Variants in C2CD3 observed in about 807,000 individuals in gnomAD.
The protein encoded by C2CD3 is C2 domain-containing protein 3.
A neutral mutation model predicts 234.0 loss-of-function variants in C2CD3; 148 were observed. The ratio of observed to expected loss-of-function variants is 0.63; its 90% CI spans 0.55 to 0.72. The LOEUF is 0.72. Ranked by LOEUF, C2CD3 falls within the 30% of genes least tolerant of loss-of-function variation. The pLI, the probability that C2CD3 is intolerant of heterozygous loss-of-function variation, is 0.00. For missense variants in C2CD3, 2,577 were observed against 2,811.5 expected (o/e 0.92, Z 1.89); for synonymous variants, 1,000 against 1,035.4 (o/e 0.97, Z 0.66).
rs925480908 is a variant in C2CD3, at chr11:74,160,641, G to A, written c.483+758C>T. 3.3e-5 allele frequency among the ~76,000 whole-genome samples: 5 copies of A among 152,132 alleles called. No individual in the cohort carries two copies. The South Asian group carries it at 6.2e-4, about 19-fold the overall frequency. On this transcript the variant is annotated intron_variant, in intron 3 of 32. Coordinates refer to ENST00000334126, the MANE Select transcript of C2CD3 (RefSeq NM_001286577.2). ...GTTGGTCAATGGGTACTATCGTACC[G>A]TTAGGAGGAATAAATTCTGGTGTTC...
rs2135581709 is a variant in C2CD3 at position 74,170,740 on chromosome 11, C to CT, written c.52dup (p.Arg18LysfsTer5). ...CAATCTTTGATCGCTCAGGTTACCT[C>CT]TTTTTTTGCGCCCACGGCTGCCCCC... On this transcript the variant is annotated frameshift_variant, in exon 1 of 33. Coordinates refer to ENST00000334126, the MANE Select transcript of C2CD3 (RefSeq NM_001286577.2). LOFTEE classifies it high-confidence loss of function. The CT allele has an allele frequency of 6.2e-7, 1 of 1,614,160 alleles. No homozygotes were observed. The highest frequency in any genetic ancestry group is 8.5e-7 in the Non-Finnish European group (1 of 1,180,016).
rs778862828 is a variant in C2CD3 at position 74,100,652 on chromosome 11, T to G, written c.2605A>C (p.Lys869Gln). 1.2e-6 allele frequency: 2 copies of G among 1,613,580 alleles called. No homozygotes were observed. Among genetic ancestry groups the G allele is most frequent in the South Asian group, 2.2e-5 (2 of 90,932 alleles). Residue 869 changes from lysine to glutamine, a missense_variant, in exon 15 of 33, where the codon AAA becomes CAA. By Grantham distance (53) the Lys-to-Gln change is moderately conservative. Coordinates refer to ENST00000334126, the MANE Select transcript of C2CD3 (RefSeq NM_001286577.2). ...SQVIPVSLSS[K>Q]YLERLKNNVM... is the part of the protein sequence containing the mutation. Reference sequence around the variant, plus strand: ...TTGTTCTTAAGCCTTTCCAGGTATTTGGAAGACAGAGAGACAGGAATCACC... The same window carrying G: ...TTGTTCTTAAGCCTTTCCAGGTATTGGGAAGACAGAGAGACAGGAATCACC...
chr11:74,078,675 C>A lies in C2CD3; in HGVS notation c.4043G>T (p.Gly1348Val), dbSNP rs748143486. The change falls in exon 23 of 33, where the codon GGC (glycine) becomes GTC (valine). Residue 1348 changes from glycine (G) to valine (V), a missense_variant. Transcript: ENST00000334126. ...CATGAGCTCCAGGCCATGAGGTAGG[C>A]CCCCGTCTTCTGGTAAAATGATAGG... ...WYPIILPEDG[G>V]LPHGLELMQK... The A allele has an allele frequency of 1.2e-6, 2 of 1,611,938 alleles. No homozygotes were observed. The highest frequency in any genetic ancestry group is 1.1e-5 in the South Asian group (1 of 90,848).
chr11:74,076,679 G>C (rs562697928), intron 23 of C2CD3, among the ~76,000 whole-genome samples: 41 of 152,246 alleles, frequency 2.7e-4, no homozygotes, highest in Admixed American at 1.9e-3. Context: ...ACATGCAGCT[G>C]TCTGAAATTA....
At chr11:74,131,580 TTTTC>T (rs1476518012) in intron 7 of C2CD3, among the ~76,000 whole-genome samples, 2 of 147,204 alleles carry the variant, frequency 1.4e-5, no homozygotes, top group African/African-American at 2.5e-5. Flanking sequence ...GAGGTTTTGT[TTTTC>T]TTTCTTTTTT....
At chr11:74,151,308 T>TATTTATTTATTC (rs1330277708) in intron 3 of C2CD3, among the ~76,000 whole-genome samples, 13 of 144,476 alleles carry the variant, frequency 9.0e-5, no homozygotes, top group Admixed American at 4.1e-4. Context: ...CAACACTCTT[T>TATTTATTTATTC]ATTTATTTAT....
At chr11:74,107,776 CAG>C (rs1406758591) in intron 12 of C2CD3, 1 of 151,930 alleles carries the variant, frequency 6.6e-6, no homozygotes, top group Non-Finnish European at 1.5e-5. Context: ...TTCTTGGTGA[CAG>C]AATTACAGGC....
chr11:74,021,286 C>G (rs936313643), intron 32 of C2CD3, among the ~76,000 whole-genome samples: 7 of 152,150 alleles, frequency 4.6e-5, no homozygotes, highest in African/African-American at 1.4e-4. Context: ...ACACCACCCC[C>G]CTCCAGAGTT....
chr11:74,028,230 C>T, intron 32 of C2CD3, 57 bp downstream of exon 32: 1 of 1,273,882 alleles, frequency 7.9e-7, no homozygotes, highest in Non-Finnish European at 1.1e-6. Context: ...TCTGTGCACA[C>T]TTCTGTGGAA....
At position 74,133,437 on chromosome 11, in the gene C2CD3, C is replaced by T. The variant is rs1590901745; in HGVS notation, c.1076G>A (p.Arg359Lys). The T allele has an allele frequency of 2.5e-6, 4 of 1,613,524 alleles. No individual in the cohort carries two copies. The highest frequency in any genetic ancestry group is 2.7e-5 in the African/African-American group (2 of 74,908). Residue 359 changes from arginine to lysine, a missense_variant, in exon 6 of 33, where the codon AGA becomes AAA. Transcript: ENST00000334126. Reference protein sequence around the residue: ...VHPPINEDSLRASTQIRAFSR... With the variant: ...VHPPINEDSLKASTQIRAFSR... ...TCCTGTAACTTACTGTGTTGATGCT[C>T]TAAGAGAATCTTCATTAATAGGAGG...
chr11:74,116,189 C>A (rs1364733432), intron 9 of C2CD3, among the ~76,000 whole-genome samples: 1 of 152,096 alleles, frequency 6.6e-6, no homozygotes, highest in Non-Finnish European at 1.5e-5. Flanking sequence ...AAACAGACAA[C>A]CCACAGAATG....
At chr11:74,106,251 CAAGAGATGCTACACAA>C in intron 13 of C2CD3, 104 bp downstream of exon 13, 1 of 920,398 alleles carries the variant, frequency 1.1e-6, no homozygotes. Flanking sequence ...TGCTCTATTT[CAAGAGATGCTACACAA>C]GATCAAAGAC....
chr11:74,139,230 A>T (rs777213672), intron 4 of C2CD3, among the ~76,000 whole-genome samples: 1 of 152,242 alleles, frequency 6.6e-6, no homozygotes, highest in Non-Finnish European at 1.5e-5. Flanking sequence ...ACACAAAGCA[A>T]ATGCTTCATA....
chr11:74,104,960 G>C (rs1244978711), intron 13 of C2CD3, among the ~76,000 whole-genome samples: 1 of 152,190 alleles, frequency 6.6e-6, no homozygotes, highest in Non-Finnish European at 1.5e-5. Context: ...AACTTGGATA[G>C]CAAGAGTAGG....
At chr11:74,117,044 G>T (rs1478294389) in intron 9 of C2CD3, among the ~76,000 whole-genome samples, 1 of 48,874 alleles carries the variant, frequency 2.0e-5, no homozygotes, top group Non-Finnish European at 4.9e-5. Flanking sequence ...ATATACGTGT[G>T]TGTGTATATA....
intron 28 of C2CD3, among the ~76,000 whole-genome samples, chr11:74,043,938 C>T (rs999391940): frequency 6.6e-6 from 1 of 152,088 alleles, no homozygotes; most frequent in Non-Finnish European, 1.5e-5. Flanking sequence ...ATCTTCCCAC[C>T]TCAGCCTCCT....
chr11:74,033,740 G>A lies in C2CD3; in HGVS notation c.6420C>T (p.His2140=), dbSNP rs975978812. Residue 2140 remains histidine, a synonymous_variant, in exon 31 of 33, where the codon CAC becomes CAT. Transcript: ENST00000334126. ...LSSPERAVNP[H]LPRQGSPSQS... ...GGCTAGGAGAACCCTGCCTAGGCAG[G>A]TGGGGGTTGACAGCCCTTTCTGGGC... is the stretch of plus-strand genomic sequence containing the variant. The A allele has an allele frequency of 1.2e-5, 19 of 1,536,330 alleles. No homozygotes were observed. Among genetic ancestry groups the A allele is most frequent in the East Asian group, 4.9e-5 (2 of 40,930 alleles).
chr11:74,118,560 T>C (rs1244193580), intron 8 of C2CD3, among the ~76,000 whole-genome samples, 178 bp from the exon 9 acceptor site: 1 of 152,152 alleles, frequency 6.6e-6, no homozygotes, highest in Non-Finnish European at 1.5e-5. Context: ...TAATCTGAAG[T>C]TCACAAAAAT....
intron 22 of C2CD3, among the ~76,000 whole-genome samples, chr11:74,080,263 G>T (rs1955284279): frequency 6.6e-6 from 1 of 152,196 alleles, no homozygotes; most frequent in African/African-American, 2.4e-5. Flanking sequence ...AAGGTTTTAT[G>T]ACTTTTGGAC....
Sources: allele counts gnomAD v4.1 joint callset (sites outside exome capture counted in the v4.1 genomes callset), GRCh38; gene constraint gnomAD v4.1.1; transcripts MANE v1.5; gene names NCBI Gene and HGNC (gene_info 2026-07-23, HGNC 2026-07-21).